Variants in PVT1 observed in about 807,000 individuals in gnomAD.
The protein encoded by PVT1 is Pvt1 oncogene.
intron 2 of PVT1, among the ~76,000 whole-genome samples, chr8:127,809,043 A>G (rs1563610845): frequency 6.8e-6 from 1 of 146,858 alleles, no homozygotes; most frequent in African/African-American, 2.5e-5. Flanking sequence ...AAAAAAAAAA[A>G]AAAAAAAAAA....
chr8:127,807,131 G>T (rs962657251), intron 2 of PVT1, among the ~76,000 whole-genome samples: 9 of 152,104 alleles, frequency 5.9e-5, no homozygotes, highest in African/African-American at 2.2e-4. Context: ...GTGCAGCCCC[G>T]TTCCTAGGTA....
At chr8:127,881,715 C>T (rs1165855407) in intron 2 of PVT1, among the ~76,000 whole-genome samples, 1 of 151,956 alleles carries the variant, frequency 6.6e-6, no homozygotes, top group African/African-American at 2.4e-5. Flanking sequence ...CCTTGGCCTC[C>T]CAAAGTGCTG....
intron 2 of PVT1, among the ~76,000 whole-genome samples, chr8:127,797,126 C>T (rs189620871): frequency 1.9e-3 from 287 of 152,144 alleles, no homozygotes; most frequent in Non-Finnish European, 3.1e-3. Context: ...GATCCGCCCG[C>T]CTTGGCCTCC....
chr8:127,846,778 T>A (rs957459460), intron 2 of PVT1, among the ~76,000 whole-genome samples: 3 of 151,602 alleles, frequency 2.0e-5, no homozygotes, highest in Non-Finnish European at 4.4e-5. Context: ...TTCAAGCGAT[T>A]CTCCTGCCTC....
Position 127,893,927 on chromosome 8 carries a change from A to T in PVT1, n.782+2929A>T, listed in dbSNP as rs1286411188. Among the ~76,000 whole-genome samples, 2 of 152,172 alleles carry T rather than the reference A, an allele frequency of 1.3e-5. 1 individual carries two copies. The highest frequency in any genetic ancestry group is 2.9e-5 in the Non-Finnish European group (2 of 68,042). ...TGGGTGCTGGTGCTGCTGGTGCATC[A>T]TGCATACAAGGCTGGCTCTCCCAGT... On this transcript the variant is annotated intron_variant and non_coding_transcript_variant, in intron 3 of 10. Coordinates refer to ENST00000651587, the Ensembl canonical transcript of PVT1.
chr8:127,895,185 T>C (rs1439795041), intron 3 of PVT1, among the ~76,000 whole-genome samples: 2 of 152,230 alleles, frequency 1.3e-5, no homozygotes, highest in African/African-American at 4.8e-5. Context: ...AAATTGAAGA[T>C]AAGGGCTGAG....
intron 4 of PVT1, among the ~76,000 whole-genome samples, chr8:128,003,083 C>T (rs1817202457): frequency 6.6e-6 from 1 of 150,440 alleles, no homozygotes; most frequent in African/African-American, 2.5e-5. Context: ...CTGCAACCTC[C>T]ATCTCCCAGG....
intron 2 of PVT1, among the ~76,000 whole-genome samples, chr8:127,804,538 A>T (rs1020297688): frequency 2.7e-4 from 30 of 112,626 alleles, no homozygotes; most frequent in African/African-American, 5.2e-4. Context: ...TTGCATCCTG[A>T]TTTTTTTTTT....
At chr8:127,838,110 T>C (rs556035570) in intron 2 of PVT1, among the ~76,000 whole-genome samples, 29 of 152,180 alleles carry the variant, frequency 1.9e-4, no homozygotes, top group Non-Finnish European at 3.7e-4. Context: ...TTAGTCAGGC[T>C]GGTCTCGAAC....
At chr8:127,934,698 A>G (rs1816250923) in intron 3 of PVT1, among the ~76,000 whole-genome samples, 1 of 151,630 alleles carries the variant, frequency 6.6e-6, no homozygotes, top group Non-Finnish European at 1.5e-5. Context: ...TTCTAACAGG[A>G]TGAAGACTTT....
At chr8:127,838,140 A>G (rs1034836091) in intron 2 of PVT1, among the ~76,000 whole-genome samples, 40 of 151,586 alleles carry the variant, frequency 2.6e-4, no homozygotes, top group African/African-American at 8.5e-4. Context: ...CAGGTGATCC[A>G]CCCACCTCGG....
intron 2 of PVT1, among the ~76,000 whole-genome samples, chr8:127,846,068 C>T (rs1321824182): frequency 6.6e-6 from 1 of 152,176 alleles, no homozygotes; most frequent in African/African-American, 2.4e-5. Flanking sequence ...ACCCTGGAGC[C>T]TTTCCCAAGC....
intron 2 of PVT1, among the ~76,000 whole-genome samples, chr8:127,873,095 T>C (rs550649852): frequency 2.6e-5 from 4 of 152,222 alleles, no homozygotes; most frequent in African/African-American, 7.2e-5. Context: ...GGTGAGGATA[T>C]GGGGCAGAAG....
intron 4 of PVT1, among the ~76,000 whole-genome samples, chr8:128,032,402 C>A (rs542639366): frequency 2.0e-5 from 3 of 152,294 alleles, no homozygotes; most frequent in African/African-American, 7.2e-5. Context: ...TTCCGTTGAC[C>A]TCTCCAGACA....
intron 3 of PVT1, among the ~76,000 whole-genome samples, chr8:127,942,751 C>G (rs1466876046): frequency 6.6e-6 from 1 of 152,178 alleles, no homozygotes; most frequent in Non-Finnish European, 1.5e-5. Context: ...TATTTTCTTT[C>G]AGTGGGAAAG....
chr8:128,085,260 C>T (rs1814241800), intron 5 of PVT1, among the ~76,000 whole-genome samples: 1 of 152,114 alleles, frequency 6.6e-6, no homozygotes, highest in African/African-American at 2.4e-5. Flanking sequence ...AGGCCCTCTG[C>T]ACCTTCAAAA....
intron 2 of PVT1, among the ~76,000 whole-genome samples, chr8:127,874,377 A>G (rs1815383052): frequency 6.6e-6 from 1 of 152,206 alleles, no homozygotes; most frequent in South Asian, 2.1e-4. Flanking sequence ...TTAGAGGAAC[A>G]GCAGGTACAG....
intron 5 of PVT1, among the ~76,000 whole-genome samples, chr8:128,092,300 A>G (rs940098479): frequency 6.6e-6 from 1 of 151,266 alleles, no homozygotes; most frequent in Non-Finnish European, 1.5e-5. Flanking sequence ...CGTCAGACAG[A>G]TGGCTCAGGT....
chr8:127,976,815 C>A (rs1461627411), intron 3 of PVT1, among the ~76,000 whole-genome samples: 4 of 152,168 alleles, frequency 2.6e-5, no homozygotes, highest in African/African-American at 7.2e-5. Context: ...GCCCAGGTAG[C>A]TCAGCAGCAA....
Sources: gnomAD v4.1 joint callset for allele counts (sites outside exome capture counted in the v4.1 genomes callset) on GRCh38, gnomAD v4.1.1 for gene constraint, MANE v1.5 for transcripts, NCBI Gene and HGNC (gene_info 2026-07-23, HGNC 2026-07-21) for gene names.